Variants in NEDD4L observed in about 807,000 individuals in gnomAD.
NEDD4L encodes NEDD4 like E3 ubiquitin protein ligase, also known as E3 ubiquitin-protein ligase NEDD4-like.
In NEDD4L, 54 loss-of-function variants were observed where a neutral mutation model predicts 148.9. That is an observed-to-expected ratio of 0.36 (90% CI 0.29 to 0.45). The LOEUF is 0.45. Ranked by LOEUF, NEDD4L falls within the 20% of genes least tolerant of loss-of-function variation. NEDD4L has a pLI of 1.00. For missense variants in NEDD4L, 856 were observed against 1,233.8 expected (o/e 0.69, Z 4.59); for synonymous variants, 433 against 440.7 (o/e 0.98, Z 0.22).
chr18:58,104,051 CA>C (rs1403208399), intron 1 of NEDD4L, among the ~76,000 whole-genome samples: 1 of 152,208 alleles, frequency 6.6e-6, no homozygotes, highest in African/African-American at 2.4e-5. Flanking sequence ...AGTTATCCAT[CA>C]GTGGGTGAAT....
intron 2 of NEDD4L, among the ~76,000 whole-genome samples, chr18:58,229,426 G>A (rs999166218): frequency 5.9e-5 from 9 of 152,112 alleles, no homozygotes; most frequent in African/African-American, 2.2e-4. Flanking sequence ...CATTGCCTGC[G>A]GTGATCTATC....
intron 5 of NEDD4L, among the ~76,000 whole-genome samples, chr18:58,285,117 T>C (rs959516020): frequency 1.3e-5 from 2 of 152,214 alleles, no homozygotes; most frequent in African/African-American, 2.4e-5. Context: ...AGGTGCTAAA[T>C]AGTTGCCAAG....
chr18:58,201,926 C>T (rs1468954924), intron 2 of NEDD4L, among the ~76,000 whole-genome samples: 1 of 152,194 alleles, frequency 6.6e-6, no homozygotes, highest in East Asian at 1.9e-4. Context: ...GAAGTTCATT[C>T]AGTCAGTCCC....
chr18:58,223,558 G>A (rs1252449509), intron 2 of NEDD4L, among the ~76,000 whole-genome samples: 1 of 152,116 alleles, frequency 6.6e-6, no homozygotes. Flanking sequence ...TCCAGGCAAT[G>A]TTTATTTTTT....
At chr18:58,173,584 C>T (rs774075388) in intron 2 of NEDD4L, among the ~76,000 whole-genome samples, 2 of 152,182 alleles carry the variant, frequency 1.3e-5, no homozygotes, top group African/African-American at 4.8e-5. Flanking sequence ...ACACAGCTCA[C>T]CTCAGTCCCC....
chr18:58,110,055 C>T lies in NEDD4L; in HGVS notation c.49-55733C>T, dbSNP rs1478614762. On this transcript the variant is annotated intron_variant, in intron 1 of 30. Coordinates refer to ENST00000400345, the MANE Select transcript of NEDD4L (RefSeq NM_001144967.3). ...ACTGAGGTTCTGAACTTGGGCTGCC[C>T]TAGGGCTGCCCTACAGCAGCCCAGG... Among the ~76,000 whole-genome samples the T allele has an allele frequency of 2.1e-4, 17 of 80,134 alleles. No homozygotes were observed. The Admixed American group carries it at 2.3e-3, about 11-fold the overall frequency. The allele number at this position is 80,134 out of a possible 152,430, so 52.6% of individuals were successfully genotyped here.
chr18:58,257,822 A>C (rs2048812208), intron 5 of NEDD4L, among the ~76,000 whole-genome samples: 1 of 152,228 alleles, frequency 6.6e-6, no homozygotes, highest in Admixed American at 6.5e-5. Flanking sequence ...CCTAAAGAAC[A>C]AGCTCCTTAT....
chr18:58,129,054 G>A (rs756969105), intron 1 of NEDD4L, among the ~76,000 whole-genome samples: 8 of 152,172 alleles, frequency 5.3e-5, no homozygotes, highest in South Asian at 2.1e-4. Flanking sequence ...TCCAGATCAC[G>A]CATTTGAGAT....
intron 1 of NEDD4L, among the ~76,000 whole-genome samples, chr18:58,115,250 T>TC (rs2085735782): frequency 6.7e-6 from 1 of 149,970 alleles, no homozygotes; most frequent in African/African-American, 2.5e-5. Context: ...TCTTTCTTTT[T>TC]TTTTTTTTTT....
intron 2 of NEDD4L, among the ~76,000 whole-genome samples, chr18:58,175,590 C>T (rs2146842210): frequency 6.6e-6 from 1 of 152,368 alleles, no homozygotes; most frequent in East Asian, 1.9e-4. Flanking sequence ...ACAACATCAA[C>T]ACTAATGGCC....
intron 1 of NEDD4L, among the ~76,000 whole-genome samples, chr18:58,135,460 G>A (rs111416974): frequency 1.3e-5 from 2 of 152,280 alleles, no homozygotes; most frequent in East Asian, 3.9e-4. Context: ...TCCCATATGT[G>A]GTTTGCCTTT....
In NEDD4L at chr18:58,256,018, C is replaced by G; in HGVS notation, c.297+3964C>G. 8.1e-7 allele frequency: 1 copy of G among 1,230,234 alleles called. No individual in the cohort carries two copies. The highest frequency in any genetic ancestry group is 1.0e-6 in the Non-Finnish European group (1 of 986,990). 76.2% of individuals were successfully genotyped at this position (1,230,234 alleles called of 1,614,324 possible). On this transcript the variant is annotated intron_variant, in intron 5 of 30. Coordinates refer to ENST00000400345, the MANE Select transcript of NEDD4L (RefSeq NM_001144967.3). The surrounding 1 kb of genome is among the most constrained non-coding windows in gnomAD (Gnocchi z 5.2). ...CATGCGCAACGCCCGACCCCAGGGA[C>G]CAGGCCTCCGCCACTGCCACCACGA...
At chr18:58,349,876 C>T (rs901618093) in intron 17 of NEDD4L, among the ~76,000 whole-genome samples, 4 of 152,310 alleles carry the variant, frequency 2.6e-5, no homozygotes, top group African/African-American at 9.6e-5. Context: ...GTTCAAGAGA[C>T]GTTCTCTGCA....
chr18:58,096,855 C>T (rs576094913), intron 1 of NEDD4L, among the ~76,000 whole-genome samples: 3 of 152,248 alleles, frequency 2.0e-5, no homozygotes, highest in East Asian at 3.9e-4. Context: ...TCACAGAATG[C>T]GGTGTGTTGG....
At chr18:58,248,215 C>G (rs921736853) in intron 3 of NEDD4L, among the ~76,000 whole-genome samples, 1 of 152,188 alleles carries the variant, frequency 6.6e-6, no homozygotes, top group Non-Finnish European at 1.5e-5. Flanking sequence ...TGGGGGATAT[C>G]TGGCAGTCCT....
At chr18:58,110,839 C>G (rs754739084) in intron 1 of NEDD4L, among the ~76,000 whole-genome samples, 1 of 152,144 alleles carries the variant, frequency 6.6e-6, no homozygotes, top group African/African-American at 2.4e-5. Context: ...TGCCTTTGTG[C>G]GCAGGCAGAC....
At position 58,173,647 on chromosome 18, in the gene NEDD4L, T is replaced by C. The variant is rs546116840; in HGVS notation, c.122+7786T>C. 7.9e-5 allele frequency among the ~76,000 whole-genome samples: 12 copies of C among 152,350 alleles called. 1 individual carries two copies. Among genetic ancestry groups the C allele is most frequent in the African/African-American group, 2.4e-4 (10 of 41,588 alleles). ...TTGCTGTATTTGCTCCATCTCTTTT[T>C]TTCCCTGAAGTATTCAGAAGTGAAT... is the stretch of plus-strand genomic sequence containing the variant. On this transcript the variant is annotated intron_variant, in intron 2 of 30. Transcript: ENST00000400345.
intron 2 of NEDD4L, among the ~76,000 whole-genome samples, chr18:58,177,481 C>T (rs990878600): frequency 6.6e-6 from 1 of 152,110 alleles, no homozygotes; most frequent in Non-Finnish European, 1.5e-5. Flanking sequence ...AGCGTGGCTG[C>T]CGGCGTCCCC....
At chr18:58,284,033 A>C (rs2053560447) in intron 5 of NEDD4L, among the ~76,000 whole-genome samples, 1 of 152,196 alleles carries the variant, frequency 6.6e-6, no homozygotes, top group South Asian at 2.1e-4. Flanking sequence ...TCCAGAAAGC[A>C]GGGGAGACCA....
Sources: gnomAD v4.1 joint callset for allele counts (sites outside exome capture counted in the v4.1 genomes callset) on GRCh38, gnomAD v4.1.1 for gene constraint, Gnocchi (gnomAD v3.1) non-coding constraint, MANE v1.5 for transcripts, NCBI Gene and HGNC (gene_info 2026-07-23, HGNC 2026-07-21) for gene names.